Variants in STAU2 observed in about 807,000 individuals in gnomAD.
STAU2 encodes staufen double-stranded RNA binding protein 2.
STAU2 carries 20 observed loss-of-function variants against 65.9 expected under a neutral mutation model. The ratio of observed to expected loss-of-function variants is 0.30; its 90% CI spans 0.21 to 0.44. The LOEUF (loss-of-function observed/expected upper bound fraction) is 0.44. STAU2 is among the 20% of genes least tolerant of loss of function. The pLI, the probability that STAU2 is intolerant of heterozygous loss-of-function variation, is 1.00. For missense variants in STAU2, 558 were observed against 683.9 expected (o/e 0.82, Z 2.05); for synonymous variants, 232 against 233.9 (o/e 0.99, Z 0.07).
At chr8:73,747,461 C>T, upstream of STAU2, 1 of 1,534,686 alleles carries the variant, frequency 6.5e-7, no homozygotes. Context: ...CTCCGGCCGC[C>T]GCTGTGCAAC....
chr8:73,709,958 A>G (rs375671569), intron 3 of STAU2, among the ~76,000 whole-genome samples: 154 of 152,184 alleles, frequency 1.0e-3, no homozygotes, highest in African/African-American at 3.6e-3. Context: ...TTTTACTTAT[A>G]TAAATCTAGC....
chr8:73,499,390 G>A (rs1821612730), intron 13 of STAU2, among the ~76,000 whole-genome samples: 2 of 151,798 alleles, frequency 1.3e-5, no homozygotes, highest in East Asian at 3.9e-4. Context: ...AGATACCAAG[G>A]ATAAAGCCTT....
chr8:73,458,635 G>A (rs193013761), intron 13 of STAU2: 6 of 152,308 alleles, frequency 3.9e-5, no homozygotes, highest in African/African-American at 1.4e-4. Flanking sequence ...TGCAAAAAAT[G>A]TTGGTTTATT....
Position 73,613,228 on chromosome 8 carries a change from T to G in STAU2, c.891+516A>C, listed in dbSNP as rs1812600028. Among the ~76,000 whole-genome samples the G allele has an allele frequency of 2.0e-5, 3 of 152,214 alleles. No homozygotes were observed. In the South Asian group the frequency reaches 6.2e-4, roughly 32 times the overall value. On this transcript the variant is annotated intron_variant, in intron 9 of 14. Transcript: ENST00000524300. The stretch of plus-strand genomic sequence containing the variant: ...TTCCAGCTGCTGTAGCTATCATTGT[T>G]AGTATTAGTCACATGATTTTTTTGT...
intron 5 of STAU2, among the ~76,000 whole-genome samples, chr8:73,676,642 C>T (rs1403739489): frequency 6.6e-6 from 1 of 152,228 alleles, no homozygotes; most frequent in Non-Finnish European, 1.5e-5. Flanking sequence ...CTCACCCAGG[C>T]TAGAGTGCAG....
intron 3 of STAU2, among the ~76,000 whole-genome samples, chr8:73,713,910 CT>C (rs893272971): frequency 1.5e-4 from 22 of 147,964 alleles, no homozygotes; most frequent in African/African-American, 1.5e-4. Context: ...GGTTTCTTTC[CT>C]TTTTTTTTTG....
chr8:73,635,201 C>T (rs562620715), intron 6 of STAU2, among the ~76,000 whole-genome samples: 2 of 152,256 alleles, frequency 1.3e-5, no homozygotes, highest in Admixed American at 1.3e-4. Context: ...ACCCTATTTC[C>T]AGTATGGCCA....
chr8:73,596,509 G>C (rs1473915238), intron 10 of STAU2, among the ~76,000 whole-genome samples: 1 of 152,174 alleles, frequency 6.6e-6, no homozygotes, highest in African/African-American at 2.4e-5. Flanking sequence ...TTTTTACACA[G>C]TGGTCTCAGT....
chr8:73,535,475 T>C (rs1806122898), intron 13 of STAU2, among the ~76,000 whole-genome samples: 1 of 152,206 alleles, frequency 6.6e-6, no homozygotes, highest in East Asian at 1.9e-4. Flanking sequence ...GGCCGTTCTT[T>C]GCTTTTTAGT....
At chr8:73,627,485 G>T (rs371357533) in intron 6 of STAU2, among the ~76,000 whole-genome samples, 130 of 152,132 alleles carry the variant, frequency 8.5e-4, no homozygotes, top group African/African-American at 3.0e-3. Context: ...TCTGATTCCT[G>T]AATATCAACT....
At chr8:73,512,329 T>C (rs2128924506) in intron 13 of STAU2, among the ~76,000 whole-genome samples, 1 of 152,274 alleles carries the variant, frequency 6.6e-6, no homozygotes, top group African/African-American at 2.4e-5. Context: ...AATCTATAGG[T>C]CAATTTAAGA....
intron 6 of STAU2, among the ~76,000 whole-genome samples, chr8:73,624,124 G>A (rs1052075268): frequency 4.0e-5 from 6 of 151,678 alleles, no homozygotes; most frequent in Non-Finnish European, 7.4e-5. Context: ...AAAATAATAC[G>A]GTACACTAGA....
chr8:73,666,412 T>C (rs762876512), intron 6 of STAU2, among the ~76,000 whole-genome samples: 3 of 152,228 alleles, frequency 2.0e-5, no homozygotes, highest in Non-Finnish European at 2.9e-5. Flanking sequence ...TTTCCACTGA[T>C]AGCCATCACT....
At chr8:73,431,562 G>T (rs1817294409) in intron 13 of STAU2, among the ~76,000 whole-genome samples, 1 of 152,154 alleles carries the variant, frequency 6.6e-6, no homozygotes, top group Non-Finnish European at 1.5e-5. Context: ...CATCTGCATA[G>T]ATACAAGAAA....
At chr8:73,459,890 C>T (rs1252684929) in intron 13 of STAU2, among the ~76,000 whole-genome samples, 1 of 152,194 alleles carries the variant, frequency 6.6e-6, no homozygotes, top group Non-Finnish European at 1.5e-5. Flanking sequence ...CAACTCCTAT[C>T]GGGCACGGCT....
At chr8:73,527,836 C>A in intron 13 of STAU2, 1 of 1,463,346 alleles carries the variant, frequency 6.8e-7, no homozygotes, top group Non-Finnish European at 9.2e-7. Context: ...CCACTGAACA[C>A]CATTTTCAGA....
At chr8:73,539,778 G>A (rs964636695) in intron 13 of STAU2, among the ~76,000 whole-genome samples, 3 of 151,808 alleles carry the variant, frequency 2.0e-5, no homozygotes, top group Non-Finnish European at 4.4e-5. Flanking sequence ...GGGAGGCGGA[G>A]GCTGCAGTGG....
intron 13 of STAU2, among the ~76,000 whole-genome samples, chr8:73,434,349 C>T (rs1817542795): frequency 6.6e-6 from 1 of 151,822 alleles, no homozygotes; most frequent in South Asian, 2.1e-4. Context: ...CCCAGTGAGA[C>T]ACCTGTCTGA....
chr8:73,456,633 C>T (rs959089684), intron 13 of STAU2, among the ~76,000 whole-genome samples: 3 of 152,068 alleles, frequency 2.0e-5, no homozygotes, highest in Non-Finnish European at 4.4e-5. Context: ...ATTCGGAGGT[C>T]TTGGGGAGTT....
Sources: gnomAD v4.1 joint callset for allele counts (sites outside exome capture counted in the v4.1 genomes callset) on GRCh38, gnomAD v4.1.1 for gene constraint, MANE v1.5 for transcripts, NCBI Gene and HGNC (gene_info 2026-07-23, HGNC 2026-07-21) for gene names.